Variants in GPR158 observed in about 807,000 individuals in gnomAD.
GPR158 encodes the protein metabotropic glycine receptor.
In GPR158, 30 loss-of-function variants were observed where a neutral mutation model predicts 78.2. That is an observed-to-expected ratio of 0.38 (90% CI 0.29 to 0.52). GPR158 has a LOEUF of 0.52. Among genes scored for constraint, GPR158 ranks in the 20% least tolerant of loss-of-function variants. The pLI, the probability that GPR158 is intolerant of heterozygous loss-of-function variation, is 0.83. For missense variants in GPR158, 1,463 were observed against 1,523.5 expected (o/e 0.96, Z 0.66); for synonymous variants, 581 against 591.1 (o/e 0.98, Z 0.25).
chr10:25,344,384 T>C (rs1855342920), intron 2 of GPR158, among the ~76,000 whole-genome samples: 1 of 151,874 alleles, frequency 6.6e-6, no homozygotes, highest in East Asian at 1.9e-4. Context: ...ACCTCAGCCA[T>C]TTTTTGTGGT....
intron 1 of GPR158, among the ~76,000 whole-genome samples, chr10:25,207,646 ACCT>A (rs1853061789): frequency 6.6e-6 from 1 of 151,816 alleles, no homozygotes; most frequent in South Asian, 2.1e-4. Context: ...CCTGCTGCTC[ACCT>A]CCTGCTGTGC....
intron 3 of GPR158, among the ~76,000 whole-genome samples, chr10:25,405,080 C>A (rs184912216): frequency 6.6e-6 from 1 of 151,952 alleles, no homozygotes; most frequent in Non-Finnish European, 1.5e-5. Flanking sequence ...ACATTGCAAT[C>A]GCTATGAAAG....
intron 4 of GPR158, among the ~76,000 whole-genome samples, chr10:25,413,711 T>C: frequency 6.6e-6 from 1 of 152,218 alleles, no homozygotes; most frequent in Non-Finnish European, 1.5e-5. Context: ...AGTTTTATTA[T>C]TATAAAGCCT....
chr10:25,175,777 C>G lies in GPR158; in HGVS notation c.357C>G (p.His119Gln), dbSNP rs761679425. 3 of 1,611,314 alleles carry G rather than the reference C, an allele frequency of 1.9e-6. No homozygotes were observed. The highest frequency in any genetic ancestry group is 4.5e-5 in the East Asian group (2 of 44,850). Residue 119 changes from histidine (H) to glutamine (Q), a missense_variant, in exon 1 of 11, where the codon CAC (histidine) becomes CAG (glutamine). By Grantham distance (24) the His-to-Gln change is conservative. Coordinates refer to ENST00000376351, the MANE Select transcript of GPR158 (RefSeq NM_020752.3). The surrounding 1 kb of genome is among the most constrained non-coding windows in gnomAD (Gnocchi z 6.4). ...PGKWPALASAHPSLHRALDTL... is the reference protein window; with the variant it reads ...PGKWPALASAQPSLHRALDTL... ...AGTGGCCAGCCCTGGCCAGCGCGCA[C>G]CCCTCCTTGCACCGGGCGCTGGACA...
At chr10:25,372,577 A>G (rs967729593) in intron 2 of GPR158, among the ~76,000 whole-genome samples, 4 of 147,668 alleles carry the variant, frequency 2.7e-5, no homozygotes, top group African/African-American at 1.0e-4. Flanking sequence ...ACGAAATTGG[A>G]AATCACCATT....
At chr10:25,521,998 A>G (rs764016047) in intron 5 of GPR158, among the ~76,000 whole-genome samples, 5 of 152,328 alleles carry the variant, frequency 3.3e-5, no homozygotes, top group Middle Eastern at 3.4e-3. Flanking sequence ...TTTGACTGTC[A>G]TAAATAACCT....
chr10:25,189,483 G>A (rs1276967057), intron 1 of GPR158, among the ~76,000 whole-genome samples: 1 of 152,168 alleles, frequency 6.6e-6, no homozygotes. Context: ...CATGTCCTTT[G>A]TAGGGACATG....
intron 7 of GPR158, among the ~76,000 whole-genome samples, chr10:25,584,326 AT>A (rs1837241035): frequency 6.6e-6 from 1 of 152,114 alleles, no homozygotes; most frequent in Non-Finnish European, 1.5e-5. Context: ...TACGAAACTG[AT>A]TTTTTTCCTA....
Position 25,176,194 on chromosome 10 carries a change from G to C in GPR158, c.774G>C (p.Gly258=). The change falls in exon 1 of 11, where the codon GGG becomes GGC. Residue 258 remains glycine, a synonymous_variant. Transcript: ENST00000376351. This position sits in a 1 kb window ranked among gnomAD's most constrained non-coding sequence, Gnocchi z 6.3. ...GGCGGCGCAAGGACGGGCTCGGCGG[G>C]GACAAGAGCCACTTCAAGTGGTCTC... ...HSWRRKDGLG[G]DKSHFKWSPP... 6.3e-7 allele frequency: 1 copy of C among 1,582,364 alleles called. No homozygotes were observed. The highest frequency in any genetic ancestry group is 2.3e-5 in the East Asian group (1 of 43,932).
intron 2 of GPR158, among the ~76,000 whole-genome samples, chr10:25,293,768 T>G: frequency 6.7e-6 from 1 of 150,094 alleles, no homozygotes; most frequent in Admixed American, 6.6e-5. Context: ...TTTTCTGAGA[T>G]GGAGTTTCAC....
intron 5 of GPR158, among the ~76,000 whole-genome samples, chr10:25,513,668 T>C (rs752475913): frequency 3.3e-5 from 5 of 152,164 alleles, no homozygotes; most frequent in Non-Finnish European, 7.4e-5. Flanking sequence ...CTATGAACTT[T>C]TCTCTTAACA....
intron 4 of GPR158, among the ~76,000 whole-genome samples, chr10:25,445,731 C>CGA (rs376095452): frequency 2.3e-4 from 35 of 149,864 alleles, no homozygotes; most frequent in African/African-American, 8.1e-4. Flanking sequence ...GTAGTGGCGG[C>CGA]GAGAGAGAGA....
At chr10:25,586,484 G>C (rs1320130058) in intron 7 of GPR158, among the ~76,000 whole-genome samples, 1 of 146,586 alleles carries the variant, frequency 6.8e-6, no homozygotes, top group Non-Finnish European at 1.5e-5. Flanking sequence ...GCTCACTGAG[G>C]CCTCCACCTC....
chr10:25,352,987 G>T (rs1855495641), intron 2 of GPR158, among the ~76,000 whole-genome samples: 1 of 151,988 alleles, frequency 6.6e-6, no homozygotes, highest in Non-Finnish European at 1.5e-5. Context: ...AAGACAATCT[G>T]AAGTAGTTAT....
chr10:25,456,822 AAG>A (rs1835297532), intron 4 of GPR158, among the ~76,000 whole-genome samples: 1 of 152,204 alleles, frequency 6.6e-6, no homozygotes, highest in African/African-American at 2.4e-5. Flanking sequence ...CAGTGTAACA[AAG>A]AGTGATGCTT....
chr10:25,400,848 T>C (rs917264341), intron 3 of GPR158, among the ~76,000 whole-genome samples: 16 of 152,180 alleles, frequency 1.1e-4, no homozygotes, highest in Admixed American at 9.8e-4. Context: ...AAGTGACCCA[T>C]ATCCAGAAAT....
chr10:25,272,214 A>G (rs1854125971), intron 2 of GPR158, among the ~76,000 whole-genome samples: 1 of 152,202 alleles, frequency 6.6e-6, no homozygotes, highest in South Asian at 2.1e-4. Flanking sequence ...AACAGTTAAA[A>G]TAATTTGACT....
At chr10:25,291,468 A>G (rs1854434949) in intron 2 of GPR158, among the ~76,000 whole-genome samples, 1 of 152,014 alleles carries the variant, frequency 6.6e-6, no homozygotes, top group South Asian at 2.1e-4. Context: ...AGAGGATACA[A>G]TGGCTTCAAC....
chr10:25,415,315 C>T (rs1437212853), intron 4 of GPR158, among the ~76,000 whole-genome samples: 2 of 151,814 alleles, frequency 1.3e-5, no homozygotes, highest in African/African-American at 4.8e-5. Context: ...CATAACTAAT[C>T]AATAAAAAGA....
Sources: gnomAD v4.1 joint callset for allele counts (sites outside exome capture counted in the v4.1 genomes callset) on GRCh38, gnomAD v4.1.1 for gene constraint, Gnocchi (gnomAD v3.1) non-coding constraint, MANE v1.5 for transcripts, NCBI Gene and HGNC (gene_info 2026-07-23, HGNC 2026-07-21) for gene names.